Variants in ALDH3A2 observed in about 807,000 individuals in gnomAD.
The protein encoded by ALDH3A2 is aldehyde dehydrogenase family 3 member A2.
Under a neutral mutation model 51.3 loss-of-function variants are expected in ALDH3A2, and 36 were observed. That is an observed-to-expected ratio of 0.70 (90% CI 0.54 to 0.93). The LOEUF (loss-of-function observed/expected upper bound fraction) is 0.93, where lower values mean the gene tolerates loss of function less well. ALDH3A2 is among the 40% of genes least tolerant of loss of function. The probability of loss-of-function intolerance (pLI) is 0.00; values close to 1 mark genes in which losing one functional copy is unlikely to be tolerated. For synonymous variants in ALDH3A2, 199 were observed against 219.8 expected, an observed-to-expected ratio of 0.91 and a Z score of 0.84; for missense variants, 552 against 603.1, an observed-to-expected ratio of 0.92 and a Z score of 0.89.
rs1185248209 is a variant in ALDH3A2 at position 19,677,377 on chromosome 17, A to G, written c.*1805A>G. 1.3e-5 allele frequency: 2 copies of G among 152,220 alleles called. No individual in the cohort carries two copies. The highest frequency in any genetic ancestry group is 4.8e-5 in the African/African-American group (2 of 41,448). 9.4% of individuals were successfully genotyped at this position (152,220 alleles called of 1,614,324 possible). A position where few individuals can be genotyped will look rare whatever the true frequency, so the allele number is the denominator to read the frequency against. On this transcript the variant is annotated 3_prime_UTR_variant, in exon 10 of 10. Coordinates refer to ENST00000176643, the MANE Select transcript of ALDH3A2 (RefSeq NM_000382.3). ...CTGTGGCTCTAAGAGAGTAATCATAAAATACCTTAGATAAAATTGCACTAT... is the reference window on the plus strand; with the variant it reads ...CTGTGGCTCTAAGAGAGTAATCATAGAATACCTTAGATAAAATTGCACTAT...
chr17:19,652,592 C>G lies in ALDH3A2; in HGVS notation c.431C>G (p.Ala144Gly), dbSNP rs2084830948. The G allele has an allele frequency of 6.2e-7, 1 of 1,613,886 alleles. No individual in the cohort carries two copies. Among genetic ancestry groups the G allele is most frequent in the Non-Finnish European group, 8.5e-7 (1 of 1,179,906 alleles). Residue 144 changes from alanine (A) to glycine (G), a missense_variant, in exon 3 of 10, where the codon GCC becomes GGC. Transcript: ENST00000176643. ...CCTTCTGAACTGAGTGAAAATACAG[C>G]CAAGATCTTGGCAAAGCTTCTCCCT... ...IKPSELSENT[A>G]KILAKLLPQY...
intron 1 of ALDH3A2, 87 bp downstream of exon 1, chr17:19,649,211 T>G: frequency 3.3e-6 from 5 of 1,498,062 alleles, no homozygotes; most frequent in Non-Finnish European, 4.5e-6. Context: ...TGTTTTTGCT[T>G]TTACATTTCG....
chr17:19,661,198 G>C lies in ALDH3A2; in HGVS notation c.870G>C (p.Arg290Ser). 2 of 1,613,936 alleles carry C rather than the reference G, an allele frequency of 1.2e-6. No individual in the cohort carries two copies. The highest frequency in any genetic ancestry group is 1.7e-6 in the Non-Finnish European group (2 of 1,179,880). Reference protein sequence around the residue: ...ERIINLRHFKRILSLLEGQKI... With the variant: ...ERIINLRHFKSILSLLEGQKI... ...TCATCAATCTTCGTCATTTTAAGAG[G>C]ATACTAAGTTTGCTTGAAGGACAAA... The change falls in exon 6 of 10, where the codon AGG becomes AGC. Residue 290 changes from arginine to serine, a missense_variant. Arg to Ser is a moderately radical substitution (Grantham distance 110). Coordinates refer to ENST00000176643, the MANE Select transcript of ALDH3A2 (RefSeq NM_000382.3).
chr17:19,669,725 C>T (rs905866858), intron 8 of ALDH3A2, among the ~76,000 whole-genome samples: 4 of 152,132 alleles, frequency 2.6e-5, no homozygotes, highest in African/African-American at 7.2e-5. Context: ...GCCTCAACCT[C>T]TTAGGCTCAA....
intron 4 of ALDH3A2, 37 bp from the exon 5 acceptor site, chr17:19,657,702 GAATTAC>G (rs764626215): frequency 3.6e-6 from 1 of 277,992 alleles, no homozygotes; most frequent in Non-Finnish European, 5.1e-6. Flanking sequence ...ATATTTGACT[GAATTAC>G]TGAATTATAT....
At chr17:19,661,313 A>G in intron 6 of ALDH3A2, 45 bp downstream of exon 6, 1 of 1,612,564 alleles carries the variant, frequency 6.2e-7, no homozygotes, top group Non-Finnish European at 8.5e-7. Context: ...GCAATTTGGC[A>G]GTTTTTGCTG....
chr17:19,659,406 C>G (rs2084938977), intron 5 of ALDH3A2, among the ~76,000 whole-genome samples: 1 of 151,852 alleles, frequency 6.6e-6, no homozygotes, highest in African/African-American at 2.4e-5. Context: ...GGTATGGTGG[C>G]ACATGCCTGT....
At chr17:19,666,888 GAAAA>G (rs534023951) in intron 8 of ALDH3A2, among the ~76,000 whole-genome samples, 1 of 150,644 alleles carries the variant, frequency 6.6e-6, no homozygotes, top group African/African-American at 2.4e-5. Flanking sequence ...AGATGCAAAA[GAAAA>G]AAACAGGTTT....
rs1353249297 is a variant in ALDH3A2, at chr17:19,657,829, T to C, written c.765T>C (p.Asn255=). Residue 255 remains asparagine (N), a synonymous_variant, in exon 5 of 10, where the codon AAT becomes AAC. Transcript: ENST00000176643. ...TTCTCTGTGAAGCATCCCTCCAAAA[T>C]CAAATTGTATGGAAGATTAAGGAAA... is the stretch of plus-strand genomic sequence containing the variant. ...DYILCEASLQ[N]QIVWKIKETV... 6.2e-7 allele frequency: 1 copy of C among 1,612,858 alleles called. No homozygotes were observed. The highest frequency in any genetic ancestry group is 8.5e-7 in the Non-Finnish European group (1 of 1,178,874).
chr17:19,650,552 C>T (rs993082286), intron 1 of ALDH3A2, among the ~76,000 whole-genome samples: 1 of 152,110 alleles, frequency 6.6e-6, no homozygotes, highest in Non-Finnish European at 1.5e-5. Context: ...CTCCCGGGTT[C>T]ACACCATTCT....
chr17:19,664,155 T>C (rs2085004684), intron 7 of ALDH3A2, among the ~76,000 whole-genome samples: 1 of 152,242 alleles, frequency 6.6e-6, no homozygotes, highest in African/African-American at 2.4e-5. Flanking sequence ...GAGATACAGA[T>C]AGCTACAGGT....
At chr17:19,661,833 C>T (rs1293038730) in intron 6 of ALDH3A2, among the ~76,000 whole-genome samples, 1 of 151,458 alleles carries the variant, frequency 6.6e-6, no homozygotes, top group Non-Finnish European at 1.5e-5. Flanking sequence ...TTTACTTATC[C>T]CCTTTATCAG....
chr17:19,665,589 C>T (rs1456067927), intron 8 of ALDH3A2, among the ~76,000 whole-genome samples: 1 of 152,072 alleles, frequency 6.6e-6, no homozygotes, highest in South Asian at 2.1e-4. Flanking sequence ...AACGGGACTC[C>T]CCCTGTTCTA....
At chr17:19,650,764 T>A (rs2084805036) in intron 1 of ALDH3A2, among the ~76,000 whole-genome samples, 1 of 152,176 alleles carries the variant, frequency 6.6e-6, no homozygotes, top group Non-Finnish European at 1.5e-5. Flanking sequence ...ATCATCTTGT[T>A]TTTACTTTTT....
chr17:19,673,015 T>C, intron 9 of ALDH3A2: 1 of 1,171,410 alleles, frequency 8.5e-7, no homozygotes, highest in South Asian at 1.2e-5. Context: ...CACTCCAGCC[T>C]GGGCAATAGA....
intron 7 of ALDH3A2, among the ~76,000 whole-genome samples, chr17:19,663,705 T>A (rs1228016124): frequency 6.6e-6 from 1 of 152,184 alleles, no homozygotes; most frequent in African/African-American, 2.4e-5. Context: ...TCCATTCCCC[T>A]CCTCCCTCGG....
At position 19,676,812 on chromosome 17, in the gene ALDH3A2, T is replaced by C. The variant is rs1316679835; in HGVS notation, c.*1240T>C. ...TTCACTTTTTGAAACTATAGAGAGA[T>C]CCCTTTCTGATTAGCCTACAGAACT... On this transcript the variant is annotated 3_prime_UTR_variant, in exon 10 of 10. Transcript: ENST00000176643. 1 of 152,190 alleles carries C rather than the reference T, an allele frequency of 6.6e-6. No individual in the cohort carries two copies. The highest frequency in any genetic ancestry group is 1.5e-5 in the Non-Finnish European group (1 of 68,032). The allele number at this position is 152,190 out of a possible 1,614,324, so 9.4% of individuals were successfully genotyped here.
In ALDH3A2 at chr17:19,657,857, G is replaced by T. The variant is rs2084918097; in HGVS notation, c.793G>T (p.Val265Leu). ...NQIVWKIKETVKEFYGENIKE... is the reference protein window; with the variant it reads ...NQIVWKIKETLKEFYGENIKE... ...AATTGTATGGAAGATTAAGGAAACA[G>T]TGAAGGTTTGTATTAAAAACATCTG... The change falls in exon 5 of 10, where the codon GTG (valine) becomes TTG (leucine). Residue 265 changes from valine to leucine, a missense_variant. Val to Leu is a conservative substitution (Grantham distance 32). Transcript: ENST00000176643. 1.3e-6 allele frequency: 2 copies of T among 1,596,292 alleles called. No homozygotes were observed. Among genetic ancestry groups the T allele is most frequent in the Admixed American group, 1.7e-5 (1 of 59,992 alleles).
Position 19,649,163 on chromosome 17 carries a change from C to T in ALDH3A2, c.153+39C>T, listed in dbSNP as rs4646793. On this transcript the variant is annotated intron_variant, in intron 1 of 9. Transcript: ENST00000176643. ...CGGCGGGGTGTGGGGAAACTGGCCC[C>T]CGCCGCGCACTTGTGGACTGGAGCT... 0.3 allele frequency: 455,611 copies of T among 1,538,018 alleles called. 70,333 individuals are homozygous for T. Among genetic ancestry groups the T allele is most frequent in the East Asian group, 0.47 (19,163 of 40,648 alleles).
Sources: allele counts gnomAD v4.1 joint callset (sites outside exome capture counted in the v4.1 genomes callset), GRCh38; gene constraint gnomAD v4.1.1; transcripts MANE v1.5; gene names NCBI Gene and HGNC (gene_info 2026-07-23, HGNC 2026-07-21).